Variants in GRXCR1 observed in about 807,000 individuals in gnomAD.
GRXCR1 encodes the protein glutaredoxin and cysteine rich domain containing 1.
Under a neutral mutation model 27.3 loss-of-function variants are expected in GRXCR1, and 27 were observed. The ratio of observed to expected loss-of-function variants is 0.99; its 90% CI spans 0.73 to 1.37. GRXCR1 has a LOEUF of 1.37. Among genes scored for constraint, GRXCR1 ranks in the 40% most tolerant of loss-of-function variants. The pLI is 0.00. For synonymous variants in GRXCR1, 122 were observed against 131.1 expected, an observed-to-expected ratio of 0.93 and a Z score of 0.47; for missense variants, 379 against 354.4, an observed-to-expected ratio of 1.07 and a Z score of -0.56.
intron 1 of GRXCR1, among the ~76,000 whole-genome samples, chr4:42,940,294 C>T (rs1255130139): frequency 2.0e-5 from 3 of 152,074 alleles, no homozygotes; most frequent in Non-Finnish European, 4.4e-5. Context: ...CAATTTATGG[C>T]TTCAGTTACT....
chr4:42,948,514 T>G lies in GRXCR1; in HGVS notation c.385-14378T>G, dbSNP rs557193913. 2.6e-5 allele frequency among the ~76,000 whole-genome samples: 4 copies of G among 152,260 alleles called. No individual in the cohort carries two copies. The East Asian group carries it at 5.8e-4, about 22-fold the overall frequency. ...AGCAAGTTGATAAGCACGAGGAAGA[T>G]GTAGTCCAATAAGCCCTTTAGTCTT... On this transcript the variant is annotated intron_variant, in intron 1 of 3. Transcript: ENST00000399770.
At chr4:43,008,110 C>T (rs1030370163) in intron 2 of GRXCR1, among the ~76,000 whole-genome samples, 51 of 151,928 alleles carry the variant, frequency 3.4e-4, no homozygotes, top group Admixed American at 1.2e-3. Context: ...AACTTTTTAA[C>T]GTTTTAGTTT....
At chr4:42,935,812 G>T (rs559055289) in intron 1 of GRXCR1, among the ~76,000 whole-genome samples, 3 of 151,966 alleles carry the variant, frequency 2.0e-5, no homozygotes, top group Admixed American at 2.0e-4. Flanking sequence ...GAAGTCTAGT[G>T]TTCCTTCAGA....
At position 43,024,373 on chromosome 4, in the gene GRXCR1, C is replaced by A. The variant is rs114763790; in HGVS notation, c.693+3954C>A. On this transcript the variant is annotated intron_variant, in intron 3 of 3. Transcript: ENST00000399770. ...AGGTATTGGAGCTGTCAGAGACTGT[C>A]CTGAGGTTCCCTGGAGAAGTATAGC... 4.9e-3 allele frequency among the ~76,000 whole-genome samples: 749 copies of A among 152,086 alleles called. 10 individuals carry two copies. Among genetic ancestry groups the A allele is most frequent in the African/African-American group, 0.015 (638 of 41,486 alleles).
At chr4:42,987,256 TATATAA>T (rs1711792645) in intron 2 of GRXCR1, among the ~76,000 whole-genome samples, 2 of 79,756 alleles carry the variant, frequency 2.5e-5, no homozygotes, top group Non-Finnish European at 5.2e-5. Context: ...ATAATATATA[TATATAA>T]TATATATATA....
chr4:42,971,502 C>T (rs960821260), intron 2 of GRXCR1, among the ~76,000 whole-genome samples: 1 of 152,004 alleles, frequency 6.6e-6, no homozygotes, highest in Non-Finnish European at 1.5e-5. Context: ...AACTAATAAT[C>T]GTGGCAGAAG....
chr4:42,947,183 A>G (rs1420391652), intron 1 of GRXCR1, among the ~76,000 whole-genome samples: 2 of 152,060 alleles, frequency 1.3e-5, no homozygotes, highest in Non-Finnish European at 2.9e-5. Context: ...TAGCTGTTGA[A>G]ATTTTGGACG....
chr4:43,026,607 T>A (rs1386897736), intron 3 of GRXCR1, among the ~76,000 whole-genome samples: 4 of 152,224 alleles, frequency 2.6e-5, no homozygotes, highest in African/African-American at 9.6e-5. Flanking sequence ...GGGGATCTCA[T>A]GTTTAGATAA....
intron 1 of GRXCR1, among the ~76,000 whole-genome samples, chr4:42,913,729 T>G (rs1288247963): frequency 6.6e-6 from 1 of 152,160 alleles, no homozygotes; most frequent in Non-Finnish European, 1.5e-5. Context: ...TCAGAGACCT[T>G]CATGGCAGCC....
intron 2 of GRXCR1, among the ~76,000 whole-genome samples, chr4:43,015,189 G>T (rs867024248): frequency 1.3e-5 from 2 of 152,252 alleles, no homozygotes; most frequent in South Asian, 4.1e-4. Context: ...TATATCAAAA[G>T]ACAGGGCTAA....
At chr4:42,896,332 TC>T (rs1274378819) in intron 1 of GRXCR1, among the ~76,000 whole-genome samples, 4 of 152,176 alleles carry the variant, frequency 2.6e-5, no homozygotes, top group African/African-American at 9.6e-5. Context: ...AGAATGAATT[TC>T]CATTTTATTG....
At chr4:42,951,674 G>C (rs1023255299) in intron 1 of GRXCR1, among the ~76,000 whole-genome samples, 20 of 152,218 alleles carry the variant, frequency 1.3e-4, no homozygotes, top group African/African-American at 4.8e-4. Flanking sequence ...TCTGCTTCTA[G>C]ATCTTTGAGG....
At chr4:43,006,446 C>T (rs944493734) in intron 2 of GRXCR1, among the ~76,000 whole-genome samples, 4 of 152,128 alleles carry the variant, frequency 2.6e-5, no homozygotes, top group African/African-American at 7.2e-5. Context: ...GAATACATGC[C>T]TGGAGATATA....
intron 2 of GRXCR1, among the ~76,000 whole-genome samples, chr4:43,006,227 T>C (rs1324846517): frequency 6.6e-6 from 1 of 152,192 alleles, no homozygotes; most frequent in African/African-American, 2.4e-5. Flanking sequence ...GCACAAATTG[T>C]ACAGCACGTG....
chr4:42,968,828 A>G (rs1350885760), intron 2 of GRXCR1, among the ~76,000 whole-genome samples: 1 of 152,058 alleles, frequency 6.6e-6, no homozygotes, highest in African/African-American at 2.4e-5. Context: ...TTTTATTGTT[A>G]ACCTTTAGTA....
chr4:43,030,172 A>G (rs1713376869), intron 3 of GRXCR1, among the ~76,000 whole-genome samples, 189 bp from the exon 4 acceptor site: 1 of 152,200 alleles, frequency 6.6e-6, no homozygotes, highest in South Asian at 2.1e-4. Flanking sequence ...CGGGGGAATG[A>G]AGGAGAATTT....
chr4:42,923,419 C>T (rs532345293), intron 1 of GRXCR1, among the ~76,000 whole-genome samples: 1 of 152,198 alleles, frequency 6.6e-6, no homozygotes, highest in East Asian at 1.9e-4. Flanking sequence ...CTCTCTATAT[C>T]CTAATATGCA....
At chr4:42,986,510 G>A (rs75579234) in intron 2 of GRXCR1, among the ~76,000 whole-genome samples, 1 of 152,120 alleles carries the variant, frequency 6.6e-6, no homozygotes, top group Non-Finnish European at 1.5e-5. Flanking sequence ...TAATCTCTGT[G>A]GTGCCCTGGA....
rs764688285 is a variant in GRXCR1, at chr4:42,962,920, G to A, written c.413G>A (p.Arg138His). Residue 138 changes from arginine (R) to histidine (H), a missense_variant, in exon 2 of 4, where the codon CGT becomes CAT. Arg to His is a conservative substitution (Grantham distance 29). Coordinates refer to ENST00000399770, the MANE Select transcript of GRXCR1 (RefSeq NM_001080476.3). ...QQPSTDLEFD[R>H]VVIYTTCLRV... ...CCATCAACTGATCTAGAATTTGACC[G>A]TGTAGTGATTTATACCACCTGCCTT... 1.1e-5 allele frequency: 18 copies of A among 1,612,296 alleles called. No individual in the cohort carries two copies. The highest frequency in any genetic ancestry group is 1.1e-4 in the East Asian group (5 of 44,860).
Sources: gnomAD v4.1 joint callset for allele counts (sites outside exome capture counted in the v4.1 genomes callset) on GRCh38, gnomAD v4.1.1 for gene constraint, MANE v1.5 for transcripts, NCBI Gene and HGNC (gene_info 2026-07-23, HGNC 2026-07-21) for gene names.